Variants in GFRA1 observed in about 807,000 individuals in gnomAD.
GFRA1 encodes the protein GDNF family receptor alpha-1.
In GFRA1, 16 loss-of-function variants were observed where a neutral mutation model predicts 51.6. The observed-to-expected ratio is 0.31, with a 90% CI of 0.21 to 0.47. The LOEUF (loss-of-function observed/expected upper bound fraction) is 0.47. Ranked by LOEUF, GFRA1 falls within the 20% of genes least tolerant of loss-of-function variation. The pLI is 1.00. For missense variants in GFRA1, 530 were observed against 594.3 expected (o/e 0.89, Z 1.13); for synonymous variants, 270 against 241.3 (o/e 1.12, Z -1.10).
chr10:116,214,433 G>A (rs1277257646), intron 4 of GFRA1, among the ~76,000 whole-genome samples: 1 of 152,084 alleles, frequency 6.6e-6, no homozygotes, highest in Non-Finnish European at 1.5e-5. Context: ...GGGCTGGTCT[G>A]TCCTAGCACT....
chr10:116,230,741 C>T (rs894148065), intron 4 of GFRA1, among the ~76,000 whole-genome samples: 1 of 134,110 alleles, frequency 7.5e-6, no homozygotes, highest in Non-Finnish European at 1.6e-5. Context: ...CACACACACA[C>T]ACAGACAATT....
At chr10:116,211,732 T>C (rs8192663) in intron 4 of GFRA1, 87 bp from the exon 5 acceptor site, 77,107 of 1,099,882 alleles carry the variant, frequency 0.07, 4,341 homozygotes, top group East Asian at 0.28. Context: ...AAGGACAGTA[T>C]GATGATGACA....
intron 5 of GFRA1, among the ~76,000 whole-genome samples, chr10:116,177,085 A>G (rs1340797253): frequency 6.6e-6 from 1 of 152,194 alleles, no homozygotes; most frequent in Non-Finnish European, 1.5e-5. Flanking sequence ...TGTGTCTAGA[A>G]CACAGAGGAT....
chr10:116,152,057 G>T (rs549817264), intron 5 of GFRA1, among the ~76,000 whole-genome samples: 1 of 152,168 alleles, frequency 6.6e-6, no homozygotes, highest in Non-Finnish European at 1.5e-5. Flanking sequence ...GGAGCATAGC[G>T]TGTGAGTGGA....
intron 4 of GFRA1, among the ~76,000 whole-genome samples, chr10:116,268,886 G>C (rs944663631): frequency 6.6e-6 from 1 of 152,140 alleles, no homozygotes; most frequent in Admixed American, 6.5e-5. Context: ...ACTGCAAAGA[G>C]AGAAAAAACA....
rs1013896513 is a variant in GFRA1 at position 116,164,749 on chromosome 10, C to T, written c.434-39192G>A. Among the ~76,000 whole-genome samples the T allele has an allele frequency of 2.6e-5, 4 of 152,172 alleles. 1 individual carries two copies. Among genetic ancestry groups the T allele is most frequent in the Admixed American group, 6.5e-5 (1 of 15,290 alleles). On this transcript the variant is annotated intron_variant, in intron 5 of 10. Coordinates refer to ENST00000355422, the MANE Select transcript of GFRA1 (RefSeq NM_005264.8). ...TTGCACTTGAAAAATAAGGTCTTTC[C>T]TTCACTTTAGCAGCAATCCAGTGTT...
intron 5 of GFRA1, among the ~76,000 whole-genome samples, chr10:116,162,706 C>T (rs566316529): frequency 6.6e-6 from 1 of 152,252 alleles, no homozygotes; most frequent in East Asian, 1.9e-4. Context: ...TTCCAAAGAA[C>T]TTTGTGTTGT....
At position 116,096,770 on chromosome 10, in the gene GFRA1, A is replaced by G; in HGVS notation, c.771-6T>C. On this transcript the variant is annotated splice_polypyrimidine_tract_variant and splice_region_variant and intron_variant, in intron 6 of 10. Transcript: ENST00000355422. ...AAAAATCCGCAAGGCGAGATCTACA[A>G]TAGGAAAAAAGGGGTGGGGGGTGGA... 6.6e-7 allele frequency: 1 copy of G among 1,515,922 alleles called. No individual in the cohort carries two copies. Among genetic ancestry groups the G allele is most frequent in the East Asian group, 2.3e-5 (1 of 43,790 alleles). The allele number at this position is 1,515,922 out of a possible 1,614,324, so 93.9% of individuals were successfully genotyped here.
intron 9 of GFRA1, among the ~76,000 whole-genome samples, chr10:116,085,852 G>A (rs1956079271): frequency 2.6e-5 from 4 of 152,190 alleles, no homozygotes; most frequent in Admixed American, 2.6e-4. Flanking sequence ...TCTGAAGTCG[G>A]AGCTTTGCCT....
In GFRA1 at chr10:116,162,159, G is replaced by A. The variant is rs181425494; in HGVS notation, c.434-36602C>T. ...TCATCAGCTCTCCCAGAATCTAAAC[G>A]GCACCAAGACTGGGTTCACCAGCAG... On this transcript the variant is annotated intron_variant, in intron 5 of 10. Transcript: ENST00000355422. Among the ~76,000 whole-genome samples, 419 of 149,896 alleles carry A rather than the reference G, an allele frequency of 2.8e-3. 2 individuals are homozygous for A. Among genetic ancestry groups the A allele is most frequent in the African/African-American group, 0.01 (402 of 39,312 alleles).
chr10:116,109,761 G>A (rs1288013274), intron 6 of GFRA1, among the ~76,000 whole-genome samples: 1 of 152,164 alleles, frequency 6.6e-6, no homozygotes, highest in African/African-American at 2.4e-5. Flanking sequence ...TGGCCGGGAC[G>A]ACCATCATGG....
At chr10:116,108,343 CAG>C (rs1957079809) in intron 6 of GFRA1, among the ~76,000 whole-genome samples, 1 of 152,128 alleles carries the variant, frequency 6.6e-6, no homozygotes, top group South Asian at 2.1e-4. Flanking sequence ...GCTCAGGAGA[CAG>C]GGAATTGTGG....
chr10:116,152,048 G>C (rs1392951717), intron 5 of GFRA1, among the ~76,000 whole-genome samples: 1 of 152,184 alleles, frequency 6.6e-6, no homozygotes, highest in Non-Finnish European at 1.5e-5. Context: ...GCTGTGTCTG[G>C]AGCATAGCGT....
chr10:116,122,762 A>C (rs1589806048), intron 6 of GFRA1, among the ~76,000 whole-genome samples: 1 of 151,960 alleles, frequency 6.6e-6, no homozygotes, highest in Admixed American at 6.6e-5. Flanking sequence ...CTCCATCACC[A>C]CCACCTCTCC....
chr10:116,222,221 TAA>T (rs1965973322), intron 4 of GFRA1, among the ~76,000 whole-genome samples: 1 of 152,016 alleles, frequency 6.6e-6, no homozygotes. Context: ...ATTTTGGAGA[TAA>T]AGTCTTGCCC....
intron 5 of GFRA1, among the ~76,000 whole-genome samples, chr10:116,147,488 C>G (rs996388305): frequency 2.0e-5 from 3 of 152,076 alleles, no homozygotes; most frequent in Admixed American, 1.3e-4. Context: ...TGCCCCAGCT[C>G]TTGACTCCCC....
chr10:116,084,874 G>T (rs935048097), intron 9 of GFRA1, among the ~76,000 whole-genome samples: 1 of 151,722 alleles, frequency 6.6e-6, no homozygotes, highest in African/African-American at 2.4e-5. Flanking sequence ...GTGCACGGAA[G>T]ATGAAGTAAT....
At chr10:116,191,255 G>A (rs562077662) in intron 5 of GFRA1, among the ~76,000 whole-genome samples, 1 of 152,174 alleles carries the variant, frequency 6.6e-6, no homozygotes, top group African/African-American at 2.4e-5. Flanking sequence ...GATTCAAATT[G>A]TAAGTACATA....
At chr10:116,147,458 T>TA (rs901688759) in intron 5 of GFRA1, among the ~76,000 whole-genome samples, 7 of 152,100 alleles carry the variant, frequency 4.6e-5, no homozygotes, top group African/African-American at 1.7e-4. Flanking sequence ...CCTTTTTTTT[T>TA]CCTGGAAGAC....
Sources: allele counts gnomAD v4.1 joint callset (sites outside exome capture counted in the v4.1 genomes callset), GRCh38; gene constraint gnomAD v4.1.1; transcripts MANE v1.5; gene names NCBI Gene and HGNC (gene_info 2026-07-23, HGNC 2026-07-21).